Variants in STAG1 observed in about 807,000 individuals in gnomAD.
The protein encoded by STAG1 is cohesin subunit SA-1.
A neutral mutation model predicts 170.9 loss-of-function variants in STAG1; 26 were observed. The observed-to-expected ratio is 0.15, with a 90% CI of 0.11 to 0.21. STAG1 has a LOEUF of 0.21. Among genes scored for constraint, STAG1 ranks in the 10% least tolerant of loss-of-function variants. The pLI, the probability that STAG1 is intolerant of heterozygous loss-of-function variation, is 1.00. For missense variants in STAG1, 964 were observed against 1,509.5 expected (o/e 0.64, Z 5.99); for synonymous variants, 514 against 497.7 (o/e 1.03, Z -0.44).
chr3:136,630,755 C>T, intron 2 of STAG1, 115 bp downstream of exon 2: 2 of 772,768 alleles, frequency 2.6e-6, no homozygotes, highest in Non-Finnish European at 4.3e-6. Context: ...AGATATTGTC[C>T]CAATATCAAA....
Position 136,336,412 on chromosome 3 carries a change from G to GTAGA in STAG1, c.*1838_*1841dup. On this transcript the variant is annotated 3_prime_UTR_variant, in exon 34 of 34. Transcript: ENST00000383202. ...CAAACTGAACTGGAAACCCATTGGAGTAGATATTTAGCCTTTTTGTGTGGC... is the reference window on the plus strand; with the variant it reads ...CAAACTGAACTGGAAACCCATTGGAGTAGATAGATATTTAGCCTTTTTGTGTGGC... The GTAGA allele has an allele frequency of 6.6e-6, 1 of 152,364 alleles. No homozygotes were observed. Among genetic ancestry groups the GTAGA allele is most frequent in the East Asian group, 1.9e-4 (1 of 5,190 alleles). 9.4% of individuals were successfully genotyped at this position (152,364 alleles called of 1,614,324 possible). A position where few individuals can be genotyped will look rare whatever the true frequency, so the allele number is the denominator to read the frequency against.
intron 1 of STAG1, 136 bp downstream of exon 1, chr3:136,752,050 GCGCCCGGCC>G (rs1190603688): frequency 2.6e-5 from 4 of 152,354 alleles, no homozygotes; most frequent in East Asian, 1.9e-4. Context: ...CACGGGGCCC[GCGCCCGGCC>G]CGCCCGCTCG....
intron 5 of STAG1, among the ~76,000 whole-genome samples, chr3:136,550,285 G>A (rs1383699876): frequency 1.3e-5 from 2 of 151,160 alleles, no homozygotes; most frequent in East Asian, 1.9e-4. Context: ...CTCCTAATCC[G>A]CCCACTGGTT....
At chr3:136,688,036 C>T (rs867221158) in intron 1 of STAG1, among the ~76,000 whole-genome samples, 7 of 152,124 alleles carry the variant, frequency 4.6e-5, no homozygotes, top group Admixed American at 3.9e-4. Context: ...GGTGCCCAGC[C>T]AGAAGAGACT....
chr3:136,721,462 C>T (rs1933259945), intron 1 of STAG1: 1 of 151,950 alleles, frequency 6.6e-6, no homozygotes, highest in African/African-American at 2.4e-5. Flanking sequence ...CTATATGGTT[C>T]CCATTTTAGT....
chr3:136,467,667 C>A (rs1279117158), intron 12 of STAG1, among the ~76,000 whole-genome samples: 1 of 152,184 alleles, frequency 6.6e-6, no homozygotes. Context: ...AATGAACAGA[C>A]ATCTACAGAA....
intron 10 of STAG1, among the ~76,000 whole-genome samples, chr3:136,474,583 G>T (rs994958207): frequency 3.9e-5 from 6 of 152,172 alleles, no homozygotes; most frequent in African/African-American, 1.4e-4. Context: ...TTATTGATGA[G>T]ATGTCAATGA....
chr3:136,339,497 T>C (rs766950399), intron 32 of STAG1, among the ~76,000 whole-genome samples: 2 of 152,164 alleles, frequency 1.3e-5, no homozygotes, highest in African/African-American at 4.8e-5. Flanking sequence ...CACTACAGCC[T>C]GGCAACAGAG....
rs1933556907 is a variant in STAG1 at position 136,502,924 on chromosome 3, A to G, written c.677-145T>C. On this transcript the variant is annotated intron_variant, in intron 7 of 33. Coordinates refer to ENST00000383202, the MANE Select transcript of STAG1 (RefSeq NM_005862.3). ...GGCATAATTTAAGTTTAAATAAAAG[A>G]TAACTAATTTATAGAAATAAACTCA... 1.3e-5 allele frequency: 8 copies of G among 637,754 alleles called. No homozygotes were observed. In the East Asian group the frequency reaches 2.6e-4, roughly 21 times the overall value. 39.5% of individuals were successfully genotyped at this position (637,754 alleles called of 1,614,324 possible). A position where few individuals can be genotyped will look rare whatever the true frequency, so the allele number is the denominator to read the frequency against.
At chr3:136,485,147 A>G (rs2089981145) in intron 9 of STAG1, among the ~76,000 whole-genome samples, 1 of 152,196 alleles carries the variant, frequency 6.6e-6, no homozygotes, top group South Asian at 2.1e-4. Context: ...GACATTTATA[A>G]TGAATACAGT....
intron 5 of STAG1, among the ~76,000 whole-genome samples, chr3:136,564,294 T>C (rs1241026986): frequency 1.3e-5 from 2 of 152,180 alleles, no homozygotes; most frequent in South Asian, 2.1e-4. Flanking sequence ...TAAATATAGA[T>C]TTGGTAGATA....
intron 9 of STAG1, among the ~76,000 whole-genome samples, chr3:136,496,272 A>C (rs1379172382): frequency 5.9e-5 from 9 of 152,240 alleles, no homozygotes; most frequent in Admixed American, 5.9e-4. Flanking sequence ...GAACAACACT[A>C]TTAACCAATT....
chr3:136,701,737 A>C (rs530100122), intron 1 of STAG1, among the ~76,000 whole-genome samples: 2 of 152,282 alleles, frequency 1.3e-5, no homozygotes, highest in East Asian at 3.9e-4. Flanking sequence ...ACTCAATAAA[A>C]GGCAGTTAAT....
chr3:136,575,647 C>G (rs572127673), intron 4 of STAG1, among the ~76,000 whole-genome samples: 2 of 152,304 alleles, frequency 1.3e-5, no homozygotes, highest in South Asian at 4.1e-4. Context: ...TTTAGAACAT[C>G]TGAATCACAG....
At chr3:136,504,388 A>C (rs984956187) in intron 7 of STAG1, among the ~76,000 whole-genome samples, 3 of 152,224 alleles carry the variant, frequency 2.0e-5, no homozygotes, top group Admixed American at 1.3e-4. Flanking sequence ...AATTAAATGA[A>C]AATGTTTCTT....
chr3:136,393,626 C>T (rs1184696465), intron 22 of STAG1, among the ~76,000 whole-genome samples: 1 of 144,278 alleles, frequency 6.9e-6, no homozygotes, highest in Non-Finnish European at 1.5e-5. Flanking sequence ...CAGAGTCTCA[C>T]TCTGTTGCCT....
rs35492621 is a variant in STAG1, at chr3:136,430,806, GACACACACACAC to G, written c.1650+2738_1650+2749del. 2.5e-3 allele frequency among the ~76,000 whole-genome samples: 322 copies of G among 131,156 alleles called. 2 individuals are homozygous for G. In the East Asian group the frequency reaches 0.032, roughly 13 times the overall value. 86.0% of individuals were successfully genotyped at this position (131,156 alleles called of 152,430 possible). On this transcript the variant is annotated intron_variant, in intron 16 of 33. Coordinates refer to ENST00000383202, the MANE Select transcript of STAG1 (RefSeq NM_005862.3). The stretch of plus-strand genomic sequence containing the variant: ...TAAGAGAAGGAAACAGACATAGACA[GACACACACACAC>G]ACACACACACACACACACACACACA...
chr3:136,514,055 T>C (rs537335518), intron 7 of STAG1, among the ~76,000 whole-genome samples: 3 of 152,290 alleles, frequency 2.0e-5, no homozygotes, highest in African/African-American at 7.2e-5. Flanking sequence ...GATGGTACCA[T>C]TATAGAGAAT....
At chr3:136,680,477 T>C (rs892857452) in intron 1 of STAG1, among the ~76,000 whole-genome samples, 11 of 151,966 alleles carry the variant, frequency 7.2e-5, no homozygotes, top group African/African-American at 1.2e-4. Flanking sequence ...TACAGTAAAA[T>C]GGAGTAATAC....
Sources: gnomAD v4.1 joint callset for allele counts (sites outside exome capture counted in the v4.1 genomes callset) on GRCh38, gnomAD v4.1.1 for gene constraint, MANE v1.5 for transcripts, NCBI Gene and HGNC (gene_info 2026-07-23, HGNC 2026-07-21) for gene names.